PACRG: variants seen among roughly 807,000 people sequenced by gnomAD.
PACRG encodes the protein parkin coregulated gene protein.
In PACRG, 29 loss-of-function variants were observed where a neutral mutation model predicts 29.7. The ratio of observed to expected loss-of-function variants is 0.98; its 90% CI spans 0.73 to 1.33. PACRG has a LOEUF of 1.33. Ranked by LOEUF, PACRG falls within the 40% of genes most tolerant of loss-of-function variation. The probability of loss-of-function intolerance (pLI) is 0.00; values close to 1 mark genes in which losing one functional copy is unlikely to be tolerated. For synonymous variants in PACRG, 116 were observed against 118.7 expected (o/e 0.98, Z 0.15); for missense variants, 279 against 316.2 (o/e 0.88, Z 0.89).
At chr6:163,137,966 C>A (rs1310019976) in intron 4 of PACRG, among the ~76,000 whole-genome samples, 1 of 152,200 alleles carries the variant, frequency 6.6e-6, no homozygotes, top group Non-Finnish European at 1.5e-5. Flanking sequence ...GGTGAGGAAG[C>A]CACGGCTCAG....
intron 2 of PACRG, among the ~76,000 whole-genome samples, chr6:162,956,535 A>G (rs75751827): frequency 0.032 from 4,911 of 152,270 alleles, 284 homozygotes; most frequent in African/African-American, 0.11. Context: ...AAAGCTCTGG[A>G]GGCCAGAAGT....
At chr6:163,123,070 A>G (rs1816365914) in intron 4 of PACRG, among the ~76,000 whole-genome samples, 1 of 152,236 alleles carries the variant, frequency 6.6e-6, no homozygotes, top group African/African-American at 2.4e-5. Context: ...TCCCCGGTAC[A>G]GAAGGAGCTG....
chr6:163,269,927 A>C lies in PACRG; in HGVS notation c.614-44900A>C, dbSNP rs866678646. On this transcript the variant is annotated intron_variant, in intron 4 of 4. Transcript: ENST00000366888. Reference sequence around the variant, plus strand: ...GAAAGAAAGAAAGAAAGAAAGAAAGAAAACAAAGAAAGAAAGAAAGAAAGA... The same window carrying C: ...GAAAGAAAGAAAGAAAGAAAGAAAGCAAACAAAGAAAGAAAGAAAGAAAGA... Among the ~76,000 whole-genome samples, 13 of 32,886 alleles carry C rather than the reference A, an allele frequency of 4.0e-4. 1 individual carries two copies. Among genetic ancestry groups the C allele is most frequent in the African/African-American group, 9.1e-4 (5 of 5,488 alleles). 21.6% of individuals were successfully genotyped at this position (32,886 alleles called of 152,430 possible). A position where few individuals can be genotyped will look rare whatever the true frequency, so the allele number is the denominator to read the frequency against.
chr6:162,963,260 A>C (rs956509196), intron 2 of PACRG, among the ~76,000 whole-genome samples: 1 of 152,162 alleles, frequency 6.6e-6, no homozygotes, highest in Non-Finnish European at 1.5e-5. Context: ...TCTACATAAC[A>C]AAAGATTTTT....
At chr6:162,995,110 A>T (rs1803861572) in intron 2 of PACRG, among the ~76,000 whole-genome samples, 1 of 150,920 alleles carries the variant, frequency 6.6e-6, no homozygotes, top group African/African-American at 2.5e-5. Context: ...TCAGATCTCC[A>T]GCTGCGTGCT....
At chr6:163,065,051 C>T (rs1811415824) in intron 3 of PACRG, among the ~76,000 whole-genome samples, 1 of 152,124 alleles carries the variant, frequency 6.6e-6, no homozygotes, top group South Asian at 2.1e-4. Flanking sequence ...ATCCACCGTT[C>T]TTTCTCCTAC....
At chr6:162,927,868 A>G (rs558951971) in intron 2 of PACRG, among the ~76,000 whole-genome samples, 1 of 152,166 alleles carries the variant, frequency 6.6e-6, no homozygotes, top group South Asian at 2.1e-4. Flanking sequence ...GGGATGAATG[A>G]AACTGGATCG....
At chr6:163,082,294 G>A (rs1813157182) in intron 3 of PACRG, among the ~76,000 whole-genome samples, 1 of 152,134 alleles carries the variant, frequency 6.6e-6, no homozygotes, top group Non-Finnish European at 1.5e-5. Context: ...GAAGGATTCA[G>A]TAGTAAAGAT....
intron 4 of PACRG, among the ~76,000 whole-genome samples, chr6:163,183,854 C>T (rs1221497951): frequency 6.6e-6 from 1 of 152,132 alleles, no homozygotes; most frequent in Non-Finnish European, 1.5e-5. Context: ...GATTGTATTA[C>T]ACAATATTTC....
chr6:163,273,677 C>T (rs1044166641), intron 4 of PACRG, among the ~76,000 whole-genome samples: 1 of 152,034 alleles, frequency 6.6e-6, no homozygotes, highest in Non-Finnish European at 1.5e-5. Context: ...TTCCTCCCCC[C>T]TTGATATTTC....
chr6:163,227,133 A>G (rs1031136186), intron 4 of PACRG, among the ~76,000 whole-genome samples: 1 of 152,170 alleles, frequency 6.6e-6, no homozygotes, highest in Non-Finnish European at 1.5e-5. Flanking sequence ...AATTTTTAAG[A>G]GATTTAATTG....
At chr6:162,754,101 C>T (rs1781718554) in intron 1 of PACRG, among the ~76,000 whole-genome samples, 5 of 152,140 alleles carry the variant, frequency 3.3e-5, no homozygotes, top group Admixed American at 3.3e-4. Context: ...ACATTCCCCT[C>T]ATCAATATGT....
chr6:162,815,873 G>T (rs1787292748), intron 2 of PACRG, among the ~76,000 whole-genome samples: 1 of 152,012 alleles, frequency 6.6e-6, no homozygotes, highest in Non-Finnish European at 1.5e-5. Context: ...AAAATAATAT[G>T]TCATAATTCT....
At chr6:163,150,662 C>A (rs747434685) in intron 4 of PACRG, among the ~76,000 whole-genome samples, 5 of 152,234 alleles carry the variant, frequency 3.3e-5, no homozygotes, top group Non-Finnish European at 5.9e-5. Flanking sequence ...TCCCTCTGTG[C>A]TCCTACCCGT....
At chr6:162,834,932 C>T (rs149295322) in intron 2 of PACRG, among the ~76,000 whole-genome samples, 140 of 152,030 alleles carry the variant, frequency 9.2e-4, no homozygotes, top group African/African-American at 3.3e-3. Flanking sequence ...ATTAAATCCC[C>T]TTTATTTTGG....
intron 4 of PACRG, among the ~76,000 whole-genome samples, chr6:163,103,518 C>CT (rs1011952296): frequency 1.4e-3 from 211 of 151,594 alleles, no homozygotes; most frequent in African/African-American, 4.9e-3. Flanking sequence ...CTTTGTTCCA[C>CT]TTTTTTTTTG....
At position 163,215,576 on chromosome 6, in the gene PACRG, C is replaced by T. The variant is rs1000616574; in HGVS notation, c.614-99251C>T. Reference sequence around the variant, plus strand: ...TGCATTTAAGATGCTCATGGGACATCGAGGTAGAAACAGCCAATAAACAAA... The same window carrying T: ...TGCATTTAAGATGCTCATGGGACATTGAGGTAGAAACAGCCAATAAACAAA... On this transcript the variant is annotated intron_variant, in intron 4 of 4. Transcript: ENST00000366888. 1.1e-4 allele frequency among the ~76,000 whole-genome samples: 16 copies of T among 152,096 alleles called. 5 individuals are homozygous for T. Among genetic ancestry groups the T allele is most frequent in the Admixed American group, 9.8e-4 (15 of 15,288 alleles).
intron 4 of PACRG, among the ~76,000 whole-genome samples, chr6:163,148,214 C>A (rs1424199298): frequency 1.3e-5 from 2 of 152,154 alleles, no homozygotes; most frequent in Non-Finnish European, 2.9e-5. Flanking sequence ...CATCCATGGC[C>A]ATTAGAGGCA....
At chr6:162,834,511 A>G (rs906740704) in intron 2 of PACRG, among the ~76,000 whole-genome samples, 2 of 152,026 alleles carry the variant, frequency 1.3e-5, no homozygotes, top group Non-Finnish European at 2.9e-5. Context: ...CAATGGGCAC[A>G]TGTACGTGTG....
Sources: gnomAD v4.1 joint callset for allele counts (sites outside exome capture counted in the v4.1 genomes callset) on GRCh38, gnomAD v4.1.1 for gene constraint, MANE v1.5 for transcripts, NCBI Gene and HGNC (gene_info 2026-07-23, HGNC 2026-07-21) for gene names.